The following SCTR variants were observed in gnomAD, a reference collection of about 807,000 sequenced individuals.
SCTR encodes secretin receptor.
Under a neutral mutation model 60.8 loss-of-function variants are expected in SCTR, and 56 were observed. That is an observed-to-expected ratio of 0.92 (90% CI 0.74 to 1.15). The LOEUF (loss-of-function observed/expected upper bound fraction) is 1.15. Among genes scored for constraint, SCTR ranks in the 50% most tolerant of loss-of-function variants. The pLI is 0.00. For synonymous variants in SCTR, 202 were observed against 217.0 expected, an observed-to-expected ratio of 0.93 and a Z score of 0.61; for missense variants, 562 against 550.4, an observed-to-expected ratio of 1.02 and a Z score of -0.21.
chr2:119,482,599 C>T (rs1332137989), intron 2 of SCTR, among the ~76,000 whole-genome samples: 2 of 152,182 alleles, frequency 1.3e-5, no homozygotes, highest in Non-Finnish European at 2.9e-5. Context: ...GAGGAGGAGC[C>T]GGAGCTTCTC....
At position 119,494,435 on chromosome 2, in the gene SCTR, T is replaced by C; in HGVS notation, c.186A>G (p.Pro62=). ...EQTGDLGTEQ[P]VPGCEGMWDN... ...CTGTGGCAAGCCTCATACCTGGCACTGGCTGCTCCGTGCCCAGGTCTCCTG... is the reference window on the plus strand; with the variant it reads ...CTGTGGCAAGCCTCATACCTGGCACCGGCTGCTCCGTGCCCAGGTCTCCTG... The change falls in exon 2 of 13, where the codon CCA becomes CCG. Residue 62 remains proline, a synonymous_variant. Transcript: ENST00000019103. 1 of 1,613,816 alleles carries C rather than the reference T, an allele frequency of 6.2e-7. No individual in the cohort carries two copies. The highest frequency in any genetic ancestry group is 8.5e-7 in the Non-Finnish European group (1 of 1,179,836).
In SCTR at chr2:119,464,169, G is replaced by A. The variant is rs868758919; in HGVS notation, c.590C>T (p.Ala197Val). 6.2e-7 allele frequency: 1 copy of A among 1,614,208 alleles called. No homozygotes were observed. Among genetic ancestry groups the A allele is most frequent in the Non-Finnish European group, 8.5e-7 (1 of 1,180,028 alleles). ...LRALSNFIKD[A>V]VLFSSDDVTY... ...GACATCATCTGAGGAGAAGAGCACG[G>A]CGTCCTTGATGAAGTTGGACAGGGC... The change falls in exon 6 of 13, where the codon GCC becomes GTC. Residue 197 changes from alanine (A) to valine (V), a missense_variant. Physicochemically the swap from Ala to Val is moderately conservative, Grantham distance 64 (BLOSUM62 0). Transcript: ENST00000019103.
chr2:119,477,937 A>C (rs73951145), intron 3 of SCTR, among the ~76,000 whole-genome samples: 2,021 of 152,314 alleles, frequency 0.013, 39 homozygotes, highest in African/African-American at 0.043. Flanking sequence ...ATGTTCCCCA[A>C]ATATGTGTGT....
At chr2:119,466,026 C>A in intron 4 of SCTR, 140 bp from the exon 5 acceptor site, 1 of 625,826 alleles carries the variant, frequency 1.6e-6, no homozygotes, top group Non-Finnish European at 3.0e-6. Flanking sequence ...AATTCACAGA[C>A]ACATAACACC....
intron 3 of SCTR, among the ~76,000 whole-genome samples, chr2:119,477,693 C>T (rs1471752461): frequency 1.3e-5 from 2 of 152,182 alleles, no homozygotes; most frequent in African/African-American, 2.4e-5. Context: ...TCAGGAGATC[C>T]GCCCACCTCG....
chr2:119,496,354 T>C (rs1452355499), intron 1 of SCTR, among the ~76,000 whole-genome samples: 1 of 152,208 alleles, frequency 6.6e-6, no homozygotes, highest in Non-Finnish European at 1.5e-5. Flanking sequence ...TTCATACCCT[T>C]TGGCCAACTA....
At chr2:119,502,243 C>A (rs1384786775) in intron 1 of SCTR, among the ~76,000 whole-genome samples, 1 of 151,832 alleles carries the variant, frequency 6.6e-6, no homozygotes, top group East Asian at 1.9e-4. Context: ...CAGAGTGAGA[C>A]CCTGTCTCAA....
At chr2:119,496,609 C>T (rs530938326) in intron 1 of SCTR, among the ~76,000 whole-genome samples, 1 of 152,234 alleles carries the variant, frequency 6.6e-6, no homozygotes, top group African/African-American at 2.4e-5. Context: ...CCCTGGAGCC[C>T]AAGAATGACC....
At chr2:119,470,405 T>C (rs1347016469) in intron 4 of SCTR, among the ~76,000 whole-genome samples, 1 of 152,210 alleles carries the variant, frequency 6.6e-6, no homozygotes, top group Non-Finnish European at 1.5e-5. Flanking sequence ...TGCCAATTTG[T>C]GGACTGGCAT....
intron 3 of SCTR, among the ~76,000 whole-genome samples, chr2:119,475,482 T>C (rs527659786): frequency 1.3e-5 from 2 of 151,826 alleles, no homozygotes; most frequent in Admixed American, 6.6e-5. Flanking sequence ...CCTTCCACTC[T>C]GTAGAGCTGC....
At chr2:119,494,618 G>A in intron 1 of SCTR, 70 bp from the exon 2 acceptor site, 1 of 1,507,474 alleles carries the variant, frequency 6.6e-7, no homozygotes, top group Middle Eastern at 1.7e-4. Flanking sequence ...GGAGAATGGG[G>A]CAAGACAATG....
chr2:119,520,255 C>T (rs1023159467), intron 1 of SCTR, among the ~76,000 whole-genome samples: 2 of 152,156 alleles, frequency 1.3e-5, no homozygotes, highest in Non-Finnish European at 2.9e-5. Flanking sequence ...AATCCCAACA[C>T]TTTGGGAGTC....
chr2:119,491,876 G>A (rs957186549), intron 2 of SCTR, among the ~76,000 whole-genome samples: 2 of 152,184 alleles, frequency 1.3e-5, no homozygotes, highest in African/African-American at 2.4e-5. Context: ...AATGGCAAAG[G>A]CTGCCCACTG....
intron 1 of SCTR, among the ~76,000 whole-genome samples, chr2:119,494,912 AGTG>A (rs1406525865): frequency 6.6e-6 from 1 of 152,088 alleles, no homozygotes. Context: ...TTGAAAGCTT[AGTG>A]TTTTTTGTTT....
intron 2 of SCTR, among the ~76,000 whole-genome samples, chr2:119,488,265 C>T (rs868361179): frequency 2.0e-5 from 3 of 152,226 alleles, no homozygotes; most frequent in South Asian, 4.1e-4. Context: ...ACCCTTTCAC[C>T]CACCTGCACG....
At chr2:119,492,447 A>C (rs374289297) in intron 2 of SCTR, among the ~76,000 whole-genome samples, 1 of 152,348 alleles carries the variant, frequency 6.6e-6, no homozygotes, top group East Asian at 1.9e-4. Context: ...ACTCCATAAA[A>C]TAGATGTCAA....
Position 119,453,188 on chromosome 2 carries a change from A to T in SCTR, c.851+99T>A, listed in dbSNP as rs1683239163. 5.5e-6 allele frequency: 5 copies of T among 911,578 alleles called. No homozygotes were observed. In the South Asian group the frequency reaches 7.0e-5, roughly 13 times the overall value. The allele number at this position is 911,578 out of a possible 1,614,324, so 56.5% of individuals were successfully genotyped here. ...CTCATCTGTGGCCTCTACTTTGAGA[A>T]AAAGGCCTTTCCTAGATAGCTCCAA... On this transcript the variant is annotated intron_variant, in intron 8 of 12. Transcript: ENST00000019103.
intron 1 of SCTR, among the ~76,000 whole-genome samples, chr2:119,497,585 AAAAGG>A (rs990410437): frequency 2.0e-5 from 3 of 152,010 alleles, no homozygotes; most frequent in Admixed American, 6.5e-5. Flanking sequence ...AACATCAGCA[AAAAGG>A]AAAGGAAAGG....
chr2:119,466,025 A>G, intron 4 of SCTR, 139 bp from the exon 5 acceptor site: 1 of 627,094 alleles, frequency 1.6e-6, no homozygotes, highest in Non-Finnish European at 2.9e-6. Context: ...CAATTCACAG[A>G]CACATAACAC....
Sources: gnomAD v4.1 joint callset for allele counts (sites outside exome capture counted in the v4.1 genomes callset) on GRCh38, gnomAD v4.1.1 for gene constraint, MANE v1.5 for transcripts, NCBI Gene and HGNC (gene_info 2026-07-23, HGNC 2026-07-21) for gene names.